LY75: variants seen among roughly 807,000 people sequenced by gnomAD.
LY75 encodes the protein C-type lectin domain family 13 member B.
A neutral mutation model predicts 231.7 loss-of-function variants in LY75; 185 were observed. The ratio of observed to expected loss-of-function variants is 0.80; its 90% CI spans 0.71 to 0.90. The LOEUF is 0.90. Ranked by LOEUF, LY75 falls within the 40% of genes least tolerant of loss-of-function variation. The pLI, the probability that LY75 is intolerant of heterozygous loss-of-function variation, is 0.00. For synonymous variants in LY75, 668 were observed against 689.0 expected (o/e 0.97, Z 0.48); for missense variants, 1,947 against 2,050.2 (o/e 0.95, Z 0.97).
intron 28 of LY75, among the ~76,000 whole-genome samples, chr2:159,825,538 A>T (rs1683434840): frequency 6.6e-6 from 1 of 152,240 alleles, no homozygotes; most frequent in Non-Finnish European, 1.5e-5. Flanking sequence ...TACAAAGAGG[A>T]GCTGGTAACA....
intron 2 of LY75, among the ~76,000 whole-genome samples, chr2:159,896,575 G>C (rs1410256868): frequency 6.6e-6 from 1 of 152,198 alleles, no homozygotes; most frequent in Non-Finnish European, 1.5e-5. Flanking sequence ...TGCTAGATAA[G>C]AAGGTGGGGA....
At chr2:159,847,722 A>G (rs1366907061) in intron 23 of LY75, among the ~76,000 whole-genome samples, 5 of 152,192 alleles carry the variant, frequency 3.3e-5, no homozygotes, top group African/African-American at 9.7e-5. Flanking sequence ...TGAGGATAGA[A>G]GGACAATCAC....
At chr2:159,818,423 C>T (rs1683187731) in intron 29 of LY75, among the ~76,000 whole-genome samples, 1 of 152,180 alleles carries the variant, frequency 6.6e-6, no homozygotes, top group Admixed American at 6.5e-5. Flanking sequence ...CATACGCCAA[C>T]CCAAACTGAG....
chr2:159,842,116 C>T (rs1419499708), intron 24 of LY75, 129 bp downstream of exon 24: 2 of 1,140,376 alleles, frequency 1.8e-6, no homozygotes, highest in African/African-American at 1.7e-5. Context: ...AGGTGGTAAG[C>T]ATACTACCCA....
chr2:159,872,736 T>G, intron 12 of LY75, 143 bp from the exon 13 acceptor site: 1 of 871,974 alleles, frequency 1.1e-6, no homozygotes, highest in Non-Finnish European at 1.7e-6. Flanking sequence ...GCACATATAC[T>G]GAGACACAGA....
At chr2:159,810,751 C>A in intron 31 of LY75, 76 bp from the exon 32 acceptor site, 1 of 1,572,194 alleles carries the variant, frequency 6.4e-7, no homozygotes, top group Non-Finnish European at 8.6e-7. Context: ...TTCAATGTCC[C>A]TGATTGGAAC....
At chr2:159,890,796 T>C (rs773221104) in intron 3 of LY75, among the ~76,000 whole-genome samples, 7 of 152,140 alleles carry the variant, frequency 4.6e-5, no homozygotes, top group Non-Finnish European at 8.8e-5. Flanking sequence ...TTTATGTGTG[T>C]GCACAGACAT....
At chr2:159,844,048 C>A (rs1176861932) in intron 23 of LY75, among the ~76,000 whole-genome samples, 2 of 151,954 alleles carry the variant, frequency 1.3e-5, no homozygotes, top group Non-Finnish European at 2.9e-5. Context: ...AAAGAGAATT[C>A]CCCAAGCTGA....
chr2:159,840,026 G>GAA (rs1683964691), intron 25 of LY75, among the ~76,000 whole-genome samples: 1 of 58,352 alleles, frequency 1.7e-5, no homozygotes. Flanking sequence ...AAAAGAAAAA[G>GAA]AAAAAAGAGA....
In LY75 at chr2:159,828,217, A is replaced by C. The variant is rs1239236806; in HGVS notation, c.3958+3453T>G. Among the ~76,000 whole-genome samples, 3 of 149,996 alleles carry C rather than the reference A, an allele frequency of 2.0e-5. No homozygotes were observed. In the South Asian group the frequency reaches 6.2e-4, roughly 31 times the overall value. ...AATATAAAATTTTATATTTTATATA[A>C]ATTTTAAAATAATTTGGAAATTATT... On this transcript the variant is annotated intron_variant, in intron 28 of 34. Transcript: ENST00000263636.
intron 31 of LY75, among the ~76,000 whole-genome samples, chr2:159,813,193 A>G (rs1009456305): frequency 3.3e-5 from 5 of 152,220 alleles, no homozygotes; most frequent in Non-Finnish European, 5.9e-5. Flanking sequence ...GCTGGATCAC[A>G]TAGTAATCTT....
At chr2:159,812,655 C>T (rs1682996751) in intron 31 of LY75, among the ~76,000 whole-genome samples, 1 of 152,140 alleles carries the variant, frequency 6.6e-6, no homozygotes, top group African/African-American at 2.4e-5. Context: ...TCAAGCCACC[C>T]ACCTGTCTCA....
At chr2:159,864,766 T>C in intron 14 of LY75, 73 bp downstream of exon 14, 4 of 1,389,262 alleles carry the variant, frequency 2.9e-6, no homozygotes, top group Non-Finnish European at 3.8e-6. Context: ...GTCAATGTAT[T>C]ATTTAACAAT....
At chr2:159,880,094 T>A (rs569142815) in intron 8 of LY75, among the ~76,000 whole-genome samples, 1 of 152,196 alleles carries the variant, frequency 6.6e-6, no homozygotes, top group Non-Finnish European at 1.5e-5. Flanking sequence ...ATGTGACACC[T>A]TTCTAAACTT....
At chr2:159,809,381 G>A (rs1682884488) in intron 32 of LY75, among the ~76,000 whole-genome samples, 1 of 152,176 alleles carries the variant, frequency 6.6e-6, no homozygotes, top group Non-Finnish European at 1.5e-5. Flanking sequence ...GCCCTTTATG[G>A]TGGTCAGAGG....
At chr2:159,806,097 C>T (rs1261988538) in intron 34 of LY75, among the ~76,000 whole-genome samples, 1 of 152,184 alleles carries the variant, frequency 6.6e-6, no homozygotes, top group Non-Finnish European at 1.5e-5. Context: ...GGCTTCTTCC[C>T]TGGTTTCCTA....
Position 159,878,724 on chromosome 2 carries a change from A to G in LY75, c.1516-3T>C. ...GTTTCTCCATGTCTCTTCCAGCCCT[A>G]AGTCAGAGGAAAAATATTGTCAAAC... On this transcript the variant is annotated splice_polypyrimidine_tract_variant and splice_region_variant and intron_variant, in intron 9 of 34. Coordinates refer to ENST00000263636, the MANE Select transcript of LY75 (RefSeq NM_002349.4). 6.2e-7 allele frequency: 1 copy of G among 1,613,732 alleles called. No individual in the cohort carries two copies. The highest frequency in any genetic ancestry group is 1.7e-5 in the Admixed American group (1 of 59,972).
intron 34 of LY75, among the ~76,000 whole-genome samples, chr2:159,806,187 C>T (rs1192154675): frequency 2.0e-5 from 3 of 152,162 alleles, no homozygotes; most frequent in Non-Finnish European, 4.4e-5. Flanking sequence ...AAAAAATTGA[C>T]CTGTTTACTT....
At chr2:159,885,126 A>G (rs1022216958) in intron 6 of LY75, 27 bp downstream of exon 6, 1 of 1,605,058 alleles carries the variant, frequency 6.2e-7, no homozygotes. Flanking sequence ...CTATTTGTCT[A>G]TTTGTATGAG....
Sources: gnomAD v4.1 joint callset for allele counts (sites outside exome capture counted in the v4.1 genomes callset) on GRCh38, gnomAD v4.1.1 for gene constraint, MANE v1.5 for transcripts, NCBI Gene and HGNC (gene_info 2026-07-23, HGNC 2026-07-21) for gene names.